COMMD1: variants seen among roughly 807,000 people sequenced by gnomAD.
The protein encoded by COMMD1 is copper metabolism domain containing 1, also known as COMM domain-containing protein 1.
COMMD1 carries 10 observed loss-of-function variants against 17.2 expected under a neutral mutation model. The ratio of observed to expected loss-of-function variants is 0.58; its 90% confidence interval spans 0.36 to 0.99. The LOEUF (loss-of-function observed/expected upper bound fraction) is 0.99, where lower values mean the gene tolerates loss of function less well. COMMD1 is among the 50% of genes least tolerant of loss of function. The probability of loss-of-function intolerance (pLI) is 0.01; values close to 1 mark genes in which losing one functional copy is unlikely to be tolerated. For missense variants in COMMD1, 270 were observed against 231.8 expected (o/e 1.17, Z -1.07); for synonymous variants, 97 against 91.6 (o/e 1.06, Z -0.34).
At chr2:61,936,906 T>C (rs549386071) in intron 1 of COMMD1, among the ~76,000 whole-genome samples, 1 of 152,326 alleles carries the variant, frequency 6.6e-6, no homozygotes, top group South Asian at 2.1e-4. Context: ...GTAGTCTGGG[T>C]GTAGCTTGCT....
At chr2:62,134,797 C>G (rs1051219852) in intron 2 of COMMD1, among the ~76,000 whole-genome samples, 1 of 152,044 alleles carries the variant, frequency 6.6e-6, no homozygotes, top group Admixed American at 6.6e-5. Context: ...TATCTACCAT[C>G]TACCTAACCT....
At chr2:62,029,411 AATAT>A (rs1456723599) in intron 2 of COMMD1, among the ~76,000 whole-genome samples, 1 of 152,092 alleles carries the variant, frequency 6.6e-6, no homozygotes, top group Non-Finnish European at 1.5e-5. Flanking sequence ...AAACAGAAAA[AATAT>A]ATATAATGTA....
chr2:62,052,611 T>C (rs1040919672), intron 2 of COMMD1, among the ~76,000 whole-genome samples: 12 of 152,214 alleles, frequency 7.9e-5, no homozygotes, highest in Non-Finnish European at 1.8e-4. Flanking sequence ...ATTCACATAA[T>C]CTCTCTTCTC....
At chr2:62,025,136 C>T (rs765183829) in intron 2 of COMMD1, among the ~76,000 whole-genome samples, 2 of 152,100 alleles carry the variant, frequency 1.3e-5, no homozygotes, top group African/African-American at 2.4e-5. Context: ...AAGAGAATCG[C>T]TTCAACCCGG....
At chr2:61,969,180 T>C (rs1213471393) in intron 1 of COMMD1, 3 of 184,606 alleles carry the variant, frequency 1.6e-5, no homozygotes, top group African/African-American at 2.4e-5. Flanking sequence ...GTTTAAGAGC[T>C]TTATAAAATA....
chr2:62,135,797 G>T lies in COMMD1; in HGVS notation c.463-34G>T, dbSNP rs764797275. Reference sequence around the variant, plus strand: ...GCCAGATGGCCTTGGCTATCTTGTGGTTTCCCTCTAAAATATCCTTTTATG... The same window carrying T: ...GCCAGATGGCCTTGGCTATCTTGTGTTTTCCCTCTAAAATATCCTTTTATG... On this transcript the variant is annotated intron_variant, in intron 2 of 2. Transcript: ENST00000311832. 5 of 1,101,616 alleles carry T rather than the reference G, an allele frequency of 4.5e-6. No homozygotes were observed. In the African/African-American group the frequency reaches 7.6e-5, roughly 17 times the overall value. 68.2% of individuals were successfully genotyped at this position (1,101,616 alleles called of 1,614,324 possible).
rs532149571 is a variant in COMMD1 at position 61,952,146 on chromosome 2, C to G, written c.180+46288C>G. Among the ~76,000 whole-genome samples the G allele has an allele frequency of 2.0e-5, 3 of 152,268 alleles. No homozygotes were observed. The South Asian group carries it at 6.2e-4, about 32-fold the overall frequency. ...TCTTTGCTCATTCCTGGGTATAGGC[C>G]AAGCTCATGATGGGAAGAATTTAGT... On this transcript the variant is annotated intron_variant, in intron 1 of 2. Transcript: ENST00000311832.
chr2:62,009,746 G>A (rs371550708), intron 2 of COMMD1, among the ~76,000 whole-genome samples: 14 of 151,982 alleles, frequency 9.2e-5, no homozygotes, highest in African/African-American at 3.1e-4. Flanking sequence ...TTAGCTATTT[G>A]TAAACATACT....
chr2:61,906,859 A>G (rs145828536), intron 1 of COMMD1, among the ~76,000 whole-genome samples: 13 of 152,328 alleles, frequency 8.5e-5, no homozygotes, highest in Non-Finnish European at 1.8e-4. Context: ...AATTTAATCC[A>G]CTATCCTTTT....
chr2:61,968,980 C>A (rs1342924651), intron 1 of COMMD1: 6 of 338,696 alleles, frequency 1.8e-5, no homozygotes, highest in Non-Finnish European at 3.5e-5. Flanking sequence ...CAGGATCTTG[C>A]TGTGTTGCCC....
chr2:62,119,287 A>C (rs761946692), intron 2 of COMMD1, among the ~76,000 whole-genome samples: 16 of 152,232 alleles, frequency 1.1e-4, no homozygotes, highest in Non-Finnish European at 1.8e-4. Context: ...TCTATGAGAA[A>C]TAAAATTTCT....
intron 1 of COMMD1, among the ~76,000 whole-genome samples, chr2:61,935,998 G>T (rs1171265768): frequency 6.6e-6 from 1 of 152,078 alleles, no homozygotes; most frequent in East Asian, 1.9e-4. Context: ...TTGTATTTTA[G>T]TAGAGATAGG....
chr2:62,113,103 T>C (rs1192567307), intron 2 of COMMD1, among the ~76,000 whole-genome samples: 2 of 151,972 alleles, frequency 1.3e-5, no homozygotes, highest in East Asian at 3.9e-4. Flanking sequence ...CCCCCTACTT[T>C]GGGAGGCAGA....
chr2:62,025,301 G>A (rs1407315054), intron 2 of COMMD1, among the ~76,000 whole-genome samples: 1 of 149,742 alleles, frequency 6.7e-6, no homozygotes, highest in African/African-American at 2.5e-5. Context: ...TGAGGCAGGA[G>A]GATCATGTTA....
intron 1 of COMMD1, among the ~76,000 whole-genome samples, chr2:61,924,156 C>T (rs1435111387): frequency 6.6e-6 from 1 of 152,178 alleles, no homozygotes; most frequent in Non-Finnish European, 1.5e-5. Flanking sequence ...TGCAGTGTTT[C>T]AGGTGGGTTT....
chr2:61,916,175 C>T lies in COMMD1; in HGVS notation c.180+10317C>T, dbSNP rs1274653130. Among the ~76,000 whole-genome samples the T allele has an allele frequency of 6.6e-5, 10 of 151,698 alleles. No individual in the cohort carries two copies. In the East Asian group the frequency reaches 9.8e-4, roughly 15 times the overall value. Reference sequence around the variant, plus strand: ...ATGGGTTTCACCATGTTGCCCAGGCCGGTCTCAAACTCCTGGACTCAAGTG... The same window carrying T: ...ATGGGTTTCACCATGTTGCCCAGGCTGGTCTCAAACTCCTGGACTCAAGTG... On this transcript the variant is annotated intron_variant, in intron 1 of 2. Coordinates refer to ENST00000311832, the MANE Select transcript of COMMD1 (RefSeq NM_152516.4).
intron 1 of COMMD1, among the ~76,000 whole-genome samples, chr2:61,941,037 A>C (rs1265622486): frequency 6.2e-5 from 8 of 128,056 alleles, no homozygotes; most frequent in African/African-American, 1.1e-4. Context: ...TTTGTTAATA[A>C]CCCCCCCTTT....
chr2:61,902,735 C>G (rs1490196933), upstream of COMMD1, among the ~76,000 whole-genome samples: 2 of 152,078 alleles, frequency 1.3e-5, no homozygotes, highest in Non-Finnish European at 2.9e-5. Context: ...ATATTCCCAG[C>G]TACTTAGCCT....
At chr2:61,920,660 C>T (rs1461578025) in intron 1 of COMMD1, among the ~76,000 whole-genome samples, 2 of 151,894 alleles carry the variant, frequency 1.3e-5, no homozygotes, top group Non-Finnish European at 2.9e-5. Context: ...AAGTTAGTTA[C>T]TGGGTAAAAG....
Sources: allele counts gnomAD v4.1 joint callset (sites outside exome capture counted in the v4.1 genomes callset), GRCh38; gene constraint gnomAD v4.1.1; transcripts MANE v1.5; gene names NCBI Gene and HGNC (gene_info 2026-07-23, HGNC 2026-07-21).